Variants in PRRG1 observed in about 807,000 individuals in gnomAD.
PRRG1 encodes the protein proline rich and Gla domain 1, also known as transmembrane gamma-carboxyglutamic acid protein 1.
In PRRG1, 5 loss-of-function variants were observed where a neutral mutation model predicts 11.8. The ratio of observed to expected loss-of-function variants is 0.42; its 90% confidence interval spans 0.22 to 0.89. The LOEUF (loss-of-function observed/expected upper bound fraction) is 0.89, where lower values mean the gene tolerates loss of function less well. Among genes scored for constraint, PRRG1 ranks in the 40% least tolerant of loss-of-function variants. The pLI, the probability that PRRG1 is intolerant of heterozygous loss-of-function variation, is 0.28. For synonymous variants in PRRG1, 66 were observed against 60.4 expected (o/e 1.09, Z -0.43); for missense variants, 155 against 166.1 (o/e 0.93, Z 0.37).
intron 2 of PRRG1, among the ~76,000 whole-genome samples, chrX:37,418,335 A>G (rs1455072616): frequency 8.9e-6 from 1 of 112,224 alleles, no homozygotes; most frequent in African/African-American, 3.2e-5. Flanking sequence ...AGGCTCGAAT[A>G]AGCAGAGAGC....
At chrX:37,441,807 G>A (rs998005300) in intron 3 of PRRG1, 2 of 783,371 alleles carry the variant, frequency 2.6e-6, no homozygotes, top group Admixed American at 6.4e-5. Flanking sequence ...AAGACTGGGA[G>A]AGCAGGCTCG....
At chrX:37,382,187 T>C (rs991632175) in intron 1 of PRRG1, among the ~76,000 whole-genome samples, 1 of 111,779 alleles carries the variant, frequency 8.9e-6, no homozygotes, top group African/African-American at 3.2e-5. Context: ...CACTTCACTA[T>C]AGGAAAGCTT....
chrX:37,438,298 G>A (rs782085533), intron 3 of PRRG1, among the ~76,000 whole-genome samples: 107 of 110,941 alleles, frequency 9.6e-4, no homozygotes, highest in African/African-American at 3.3e-3. Context: ...CAGGCAAGTA[G>A]ATGACCAAAC....
Position 37,433,761 on chromosome X carries a change from T to C in PRRG1, c.171+7761T>C, listed in dbSNP as rs968687794. Among the ~76,000 whole-genome samples, 13 of 112,197 alleles carry C rather than the reference T, an allele frequency of 1.2e-4. No individual in the cohort carries two copies. The East Asian group carries it at 3.3e-3, about 29-fold the overall frequency. ...GGCAAATCACAAAGTAAATTTAGTT[T>C]ATGGGAGGAACCGATTTAAACCCAA... is the stretch of plus-strand genomic sequence containing the variant. On this transcript the variant is annotated intron_variant, in intron 3 of 3. Transcript: ENST00000378628.
chrX:37,398,378 A>T (rs1171194000), intron 1 of PRRG1, among the ~76,000 whole-genome samples: 1 of 112,182 alleles, frequency 8.9e-6, no homozygotes, highest in African/African-American at 3.2e-5. Flanking sequence ...CAGGGTCTGG[A>T]GTGGACCTCT....
intron 1 of PRRG1, among the ~76,000 whole-genome samples, chrX:37,398,461 C>T (rs1205208445): frequency 9.0e-6 from 1 of 111,674 alleles, no homozygotes; most frequent in Non-Finnish European, 1.9e-5. Flanking sequence ...AAAGGACATC[C>T]ACACCAAAAA....
intron 2 of PRRG1, among the ~76,000 whole-genome samples, chrX:37,408,041 G>A (rs1268530428): frequency 1.8e-5 from 2 of 111,988 alleles, no homozygotes; most frequent in African/African-American, 6.5e-5. Context: ...TGATGGTTTC[G>A]AAATTTTAAA....
At chrX:37,403,395 C>T (rs1556381039) in intron 1 of PRRG1, among the ~76,000 whole-genome samples, 5 of 100,447 alleles carry the variant, frequency 5.0e-5, no homozygotes, top group African/African-American at 3.7e-5. Flanking sequence ...AACCAAACAC[C>T]GCCTGTTCTC....
chrX:37,372,672 C>T (rs1261384150), intron 1 of PRRG1, among the ~76,000 whole-genome samples: 1 of 112,376 alleles, frequency 8.9e-6, no homozygotes, highest in African/African-American at 3.2e-5. Context: ...TCTTTGAGTT[C>T]CTTATATATT....
chrX:37,396,891 C>T (rs1438688297), intron 1 of PRRG1, among the ~76,000 whole-genome samples: 1 of 111,746 alleles, frequency 8.9e-6, no homozygotes, highest in Non-Finnish European at 1.9e-5. Flanking sequence ...AGTACCTGGC[C>T]CCAACCCACT....
At chrX:37,368,643 T>C (rs782245949) in intron 1 of PRRG1, among the ~76,000 whole-genome samples, 2 of 111,836 alleles carry the variant, frequency 1.8e-5, no homozygotes, top group African/African-American at 6.5e-5. Flanking sequence ...TTAATTGAAA[T>C]CTAGTTCAGT....
intron 2 of PRRG1, among the ~76,000 whole-genome samples, chrX:37,420,855 C>A (rs1358160688): frequency 1.8e-5 from 2 of 109,894 alleles, no homozygotes; most frequent in Admixed American, 1.9e-4. Context: ...GAGCGAAACT[C>A]TGTCTCAGAA....
intron 1 of PRRG1, among the ~76,000 whole-genome samples, chrX:37,405,885 A>C (rs990272234): frequency 2.7e-5 from 3 of 111,660 alleles, no homozygotes; most frequent in Non-Finnish European, 5.6e-5. Context: ...TTTGTCTGCC[A>C]TTTTTGTTGA....
intron 3 of PRRG1, among the ~76,000 whole-genome samples, chrX:37,449,200 T>G (rs1921026748): frequency 9.0e-6 from 1 of 111,525 alleles, no homozygotes; most frequent in Non-Finnish European, 1.9e-5. Flanking sequence ...TCTCCTAAGG[T>G]CCTTCCTCCC....
At position 37,453,683 on chromosome X, in the gene PRRG1, C is replaced by T; in HGVS notation, c.*62C>T. On this transcript the variant is annotated 3_prime_UTR_variant, in exon 4 of 4. Coordinates refer to ENST00000378628, the MANE Select transcript of PRRG1 (RefSeq NM_001142395.2). ...ATACTAATGGAAGAACTTTCTAGCA[C>T]TTTACCACTACATAAATGTTCATTG... 1.9e-6 allele frequency: 2 copies of T among 1,036,388 alleles called. No individual in the cohort carries two copies. Among genetic ancestry groups the T allele is most frequent in the East Asian group, 3.1e-5 (1 of 31,909 alleles). The allele number at this position is 1,036,388 out of a possible 1,213,427, so 85.4% of individuals were successfully genotyped here.
At chrX:37,421,800 T>C (rs1457149608) in intron 2 of PRRG1, among the ~76,000 whole-genome samples, 1 of 112,373 alleles carries the variant, frequency 8.9e-6, no homozygotes, top group Admixed American at 9.4e-5. Context: ...TGATGAGCAC[T>C]GGCAAATTCT....
intron 2 of PRRG1, 188 bp from the exon 3 acceptor site, chrX:37,425,652 A>G (rs1360535679): frequency 1.1e-5 from 4 of 375,622 alleles, no homozygotes; most frequent in Non-Finnish European, 1.8e-5. Flanking sequence ...GGCAACTGCT[A>G]TTGAAAGGAC....
chrX:37,425,643 G>A (rs1420856919), intron 2 of PRRG1, 197 bp from the exon 3 acceptor site: 9 of 363,249 alleles, frequency 2.5e-5, no homozygotes, highest in Non-Finnish European at 2.9e-5. Context: ...CCTGCCCAGG[G>A]CAACTGCTAT....
At chrX:37,441,372 C>T in intron 3 of PRRG1, 1 of 754,794 alleles carries the variant, frequency 1.3e-6, no homozygotes, top group South Asian at 6.7e-5. Context: ...CTCCTCCCTG[C>T]CCACTTCCAC....
Sources: allele counts gnomAD v4.1 joint callset (sites outside exome capture counted in the v4.1 genomes callset), GRCh38; gene constraint gnomAD v4.1.1; transcripts MANE v1.5; gene names NCBI Gene and HGNC (gene_info 2026-07-23, HGNC 2026-07-21).